CLCA1: variants seen among roughly 807,000 people sequenced by gnomAD.
CLCA1 encodes calcium-activated chloride channel regulator 1.
Under a neutral mutation model 85.6 loss-of-function variants are expected in CLCA1, and 59 were observed. The observed-to-expected ratio is 0.69, with a 90% confidence interval of 0.56 to 0.86. CLCA1 has a LOEUF of 0.86. Among genes scored for constraint, CLCA1 ranks in the 40% least tolerant of loss-of-function variants. The pLI is 0.00. For synonymous variants in CLCA1, 396 were observed against 398.3 expected (o/e 0.99, Z 0.07); for missense variants, 1,022 against 1,101.4 (o/e 0.93, Z 1.02).
intron 5 of CLCA1, 35 bp from the exon 6 acceptor site, chr1:86,485,308 T>A: frequency 6.8e-7 from 1 of 1,477,248 alleles, no homozygotes; most frequent in Non-Finnish European, 9.4e-7. Flanking sequence ...CCACATAGTT[T>A]ACCATTATCT....
rs537979857 is a variant in CLCA1, at chr1:86,472,105, T to A, written c.163-1312T>A. 9.0e-4 allele frequency among the ~76,000 whole-genome samples: 137 copies of A among 152,284 alleles called. 1 individual carries two copies. The highest frequency in any genetic ancestry group is 3.2e-3 in the African/African-American group (134 of 41,572). The stretch of plus-strand genomic sequence containing the variant: ...AAACTGTCTTGTCCTGAAGTCCACT[T>A]CCAGCTGCTGCCTATTTCTCCATTC... On this transcript the variant is annotated intron_variant, in intron 1 of 13. Coordinates refer to ENST00000394711, the MANE Select transcript of CLCA1 (RefSeq NM_001285.4).
chr1:86,495,992 A>G (rs2753353), intron 12 of CLCA1, among the ~76,000 whole-genome samples: 63 of 152,318 alleles, frequency 4.1e-4, no homozygotes, highest in African/African-American at 1.3e-3. Context: ...CACTGGATAG[A>G]ACATAGCTTT....
intron 7 of CLCA1, 45 bp downstream of exon 7, chr1:86,486,798 T>C: frequency 1.3e-6 from 2 of 1,560,718 alleles, no homozygotes; most frequent in East Asian, 2.2e-5. Context: ...TTGCAATTTA[T>C]GTTGCTTAAC....
At position 86,489,140 on chromosome 1, in the gene CLCA1, C is replaced by T. The variant is rs1250679516; in HGVS notation, c.1327C>T (p.Gln443Ter). The T allele has an allele frequency of 6.2e-7, 1 of 1,613,954 alleles. No homozygotes were observed. Among genetic ancestry groups the T allele is most frequent in the Non-Finnish European group, 8.5e-7 (1 of 1,179,966 alleles). ...HTVALGPSAAQELEELSKMTG... is the reference protein window; with the variant it reads ...HTVALGPSAA ...AGTCGCTTTGGGGCCCTCTGCAGCTCAAGAACTAGAGGAGCTGTCCAAAAT... is the reference window on the plus strand; with the variant it reads ...AGTCGCTTTGGGGCCCTCTGCAGCTTAAGAACTAGAGGAGCTGTCCAAAAT... Residue 443 changes from glutamine to a stop codon, truncating the protein, a stop_gained, in exon 8 of 14, where the codon CAA (glutamine) becomes TAA (stop). Transcript: ENST00000394711. LOFTEE classifies it high-confidence loss of function.
At chr1:86,477,980 T>C (rs1393979156) in intron 4 of CLCA1, among the ~76,000 whole-genome samples, 1 of 152,204 alleles carries the variant, frequency 6.6e-6, no homozygotes, top group African/African-American at 2.4e-5. Context: ...TACAATTTTT[T>C]CAAAAGGGGC....
intron 6 of CLCA1, among the ~76,000 whole-genome samples, chr1:86,486,241 G>A (rs115489387): frequency 1.6e-3 from 248 of 152,268 alleles, no homozygotes; most frequent in African/African-American, 5.2e-3. Flanking sequence ...GAGCCAAACC[G>A]TATCACCTGA....
intron 7 of CLCA1, 73 bp from the exon 8 acceptor site, chr1:86,488,923 C>A: frequency 7.6e-7 from 1 of 1,310,530 alleles, no homozygotes; most frequent in Non-Finnish European, 1.1e-6. Context: ...TTCTCCTTTC[C>A]TGTAAGCAGA....
chr1:86,486,449 C>A, intron 6 of CLCA1, 77 bp from the exon 7 acceptor site: 1 of 1,384,296 alleles, frequency 7.2e-7, no homozygotes, highest in South Asian at 1.3e-5. Context: ...CAGCCACTTC[C>A]AAATTCCCTA....
intron 12 of CLCA1, among the ~76,000 whole-genome samples, chr1:86,497,262 T>C (rs1161776169): frequency 6.6e-6 from 1 of 152,232 alleles, no homozygotes; most frequent in Non-Finnish European, 1.5e-5. Context: ...CGATAAGCCT[T>C]AATGGCAGTC....
chr1:86,498,503 A>G, intron 12 of CLCA1, 69 bp from the exon 13 acceptor site: 1 of 1,290,758 alleles, frequency 7.7e-7, no homozygotes, highest in Non-Finnish European at 1.1e-6. Context: ...TGATCTGATA[A>G]GAAAACAGAC....
At chr1:86,498,359 A>T (rs1348035410) in intron 12 of CLCA1, among the ~76,000 whole-genome samples, 9 of 151,030 alleles carry the variant, frequency 6.0e-5, no homozygotes, top group Admixed American at 5.9e-4. Context: ...TCTAAGAGAT[A>T]AAAAAAAGAA....
At chr1:86,478,752 G>A (rs2734690) in intron 4 of CLCA1, among the ~76,000 whole-genome samples, 52,400 of 152,080 alleles carry the variant, frequency 0.34, 9,283 homozygotes, top group East Asian at 0.48. Flanking sequence ...TTTTTCTTTC[G>A]ACAGATAAGA....
chr1:86,494,009 T>C (rs539324484), intron 10 of CLCA1, among the ~76,000 whole-genome samples, 178 bp from the exon 11 acceptor site: 1 of 152,282 alleles, frequency 6.6e-6, no homozygotes, highest in East Asian at 1.9e-4. Flanking sequence ...GGGAATGATA[T>C]AGTTAGTTCA....
rs756981979 is a variant in CLCA1, at chr1:86,499,696, T to A, written c.2396T>A (p.Leu799His). ...CGAATAAGTACAAGTATTCTTGATC[T>A]CAGAGACAAGTTCAATGAATCTCTT... ...IIRISTSILD[L>H]RDKFNESLQV... Residue 799 changes from leucine to histidine, a missense_variant, in exon 14 of 14, where the codon CTC becomes CAC. By Grantham distance (99) the Leu-to-His change is moderately conservative. Coordinates refer to ENST00000394711, the MANE Select transcript of CLCA1 (RefSeq NM_001285.4). The A allele has an allele frequency of 5.0e-6, 8 of 1,602,612 alleles. No homozygotes were observed. In the South Asian group the frequency reaches 8.8e-5, roughly 18 times the overall value.
intron 6 of CLCA1, 62 bp from the exon 7 acceptor site, chr1:86,486,464 C>A (rs1647971533): frequency 6.7e-7 from 1 of 1,501,794 alleles, no homozygotes; most frequent in East Asian, 2.3e-5. Context: ...TCCCTATGGC[C>A]TTTTCTGTTA....
At chr1:86,479,199 AT>A (rs1647753550) in intron 4 of CLCA1, among the ~76,000 whole-genome samples, 1 of 152,242 alleles carries the variant, frequency 6.6e-6, no homozygotes, top group Non-Finnish European at 1.5e-5. Flanking sequence ...CAAAATAAAT[AT>A]TCAAATTACT....
chr1:86,494,503 G>A, intron 11 of CLCA1, 55 bp downstream of exon 11: 1 of 1,589,582 alleles, frequency 6.3e-7, no homozygotes, highest in African/African-American at 1.3e-5. Context: ...AAGCAACCAG[G>A]GAATGCCAAG....
At position 86,485,373 on chromosome 1, in the gene CLCA1, A is replaced by G. The variant is rs766512031; in HGVS notation, c.766A>G (p.Asn256Asp). The G allele has an allele frequency of 4.3e-6, 7 of 1,614,028 alleles. No homozygotes were observed. Among genetic ancestry groups the G allele is most frequent in the African/African-American group, 1.3e-5 (1 of 74,936 alleles). ...IVEFCTEQNH[N>D]KEAPNKQNQK... is the part of the protein sequence containing the mutation. Reference sequence around the variant, plus strand: ...TGAATTCTGTACAGAACAAAACCACAACAAAGAAGCTCCAAACAAGCAAAA... The same window carrying G: ...TGAATTCTGTACAGAACAAAACCACGACAAAGAAGCTCCAAACAAGCAAAA... Residue 256 changes from asparagine (N) to aspartate (D), a missense_variant, in exon 6 of 14, where the codon AAC (asparagine) becomes GAC (aspartate). Physicochemically the swap from Asn to Asp is conservative, Grantham distance 23 (BLOSUM62 1). Coordinates refer to ENST00000394711, the MANE Select transcript of CLCA1 (RefSeq NM_001285.4).
chr1:86,474,422 C>T (rs1318403847), intron 3 of CLCA1, among the ~76,000 whole-genome samples: 1 of 152,034 alleles, frequency 6.6e-6, no homozygotes, highest in Non-Finnish European at 1.5e-5. Flanking sequence ...GGCGTGGTGG[C>T]GGACGCCTGT....
Sources: allele counts gnomAD v4.1 joint callset (sites outside exome capture counted in the v4.1 genomes callset), GRCh38; gene constraint gnomAD v4.1.1; transcripts MANE v1.5; gene names NCBI Gene and HGNC (gene_info 2026-07-23, HGNC 2026-07-21).